REC114: variants seen among roughly 807,000 people sequenced by gnomAD.
The protein encoded by REC114 is REC114 meiotic recombination protein.
Under a neutral mutation model 31.3 loss-of-function variants are expected in REC114, and 27 were observed. That is an observed-to-expected ratio of 0.86 (90% CI 0.64 to 1.19). The LOEUF (loss-of-function observed/expected upper bound fraction) is 1.19, where lower values mean the gene tolerates loss of function less well. REC114 is among the 50% of genes most tolerant of loss of function. The pLI is 0.00. For missense variants in REC114, 344 were observed against 326.9 expected (o/e 1.05, Z -0.40); for synonymous variants, 134 against 127.7 (o/e 1.05, Z -0.33).
intron 2 of REC114, among the ~76,000 whole-genome samples, chr15:73,491,169 T>C (rs940945075): frequency 1.3e-5 from 2 of 151,840 alleles, no homozygotes; most frequent in African/African-American, 4.8e-5. Flanking sequence ...TATATAAGTC[T>C]TTGTGTATTA....
At chr15:73,472,700 G>A (rs1015729341) in intron 1 of REC114, among the ~76,000 whole-genome samples, 93 of 152,048 alleles carry the variant, frequency 6.1e-4, no homozygotes, top group African/African-American at 2.2e-3. Flanking sequence ...CCACTCTAAT[G>A]TATCTATCAG....
chr15:73,487,841 G>A (rs529760843), intron 2 of REC114, among the ~76,000 whole-genome samples: 1 of 152,214 alleles, frequency 6.6e-6, no homozygotes, highest in Non-Finnish European at 1.5e-5. Context: ...CCCTGGTGGG[G>A]GCTATCTACA....
intron 2 of REC114, among the ~76,000 whole-genome samples, chr15:73,516,196 G>A (rs1893856209): frequency 6.6e-6 from 1 of 152,034 alleles, no homozygotes; most frequent in Non-Finnish European, 1.5e-5. Context: ...ATGTTAGCCA[G>A]GCTAGTCTCG....
chr15:73,461,878 G>C (rs959458668), intron 1 of REC114, among the ~76,000 whole-genome samples: 4 of 140,692 alleles, frequency 2.8e-5, no homozygotes, highest in African/African-American at 1.0e-4. Flanking sequence ...CTTCTGTTAT[G>C]ATTTGGTCAT....
chr15:73,518,576 AC>A (rs879944064), intron 2 of REC114, among the ~76,000 whole-genome samples: 2 of 152,236 alleles, frequency 1.3e-5, no homozygotes, highest in Non-Finnish European at 2.9e-5. Flanking sequence ...AGATATGCTG[AC>A]AGGCCAGGCC....
At chr15:73,499,501 A>C (rs1567873416) in intron 2 of REC114, among the ~76,000 whole-genome samples, 1 of 152,120 alleles carries the variant, frequency 6.6e-6, no homozygotes, top group Admixed American at 6.6e-5. Context: ...AGTTCCCTAC[A>C]TCTTTATTAC....
chr15:73,495,508 TAA>T (rs80177107), intron 2 of REC114, among the ~76,000 whole-genome samples: 20 of 130,582 alleles, frequency 1.5e-4, no homozygotes, highest in Admixed American at 3.1e-4. Context: ...CTGCCAGTCT[TAA>T]AAAAAAAAAA....
chr15:73,463,903 A>C (rs774926490), intron 1 of REC114, among the ~76,000 whole-genome samples: 1 of 152,026 alleles, frequency 6.6e-6, no homozygotes, highest in African/African-American at 2.4e-5. Flanking sequence ...TCTTCTATCC[A>C]TGGAATTCAG....
At chr15:73,460,946 G>T (rs1249475490) in intron 1 of REC114, among the ~76,000 whole-genome samples, 1 of 152,122 alleles carries the variant, frequency 6.6e-6, no homozygotes, top group African/African-American at 2.4e-5. Flanking sequence ...TAGAGGTGAT[G>T]AAGTTAATTC....
At chr15:73,455,787 A>T (rs1255883213) in intron 1 of REC114, among the ~76,000 whole-genome samples, 1 of 152,160 alleles carries the variant, frequency 6.6e-6, no homozygotes, top group Non-Finnish European at 1.5e-5. Flanking sequence ...GAGCTGTGCT[A>T]CCCAGACCTT....
intron 3 of REC114, among the ~76,000 whole-genome samples, chr15:73,543,981 T>C (rs966975386): frequency 1.6e-5 from 2 of 125,524 alleles, no homozygotes; most frequent in Non-Finnish European, 3.3e-5. Context: ...AGAGTCTAAC[T>C]CTGTCCCCCA....
At chr15:73,550,382 C>T (rs543308301) in intron 3 of REC114, among the ~76,000 whole-genome samples, 1 of 152,166 alleles carries the variant, frequency 6.6e-6, no homozygotes, top group Non-Finnish European at 1.5e-5. Flanking sequence ...CACTATGCAA[C>T]TTGTATGGTA....
chr15:73,531,631 A>G (rs1321574156), intron 2 of REC114, among the ~76,000 whole-genome samples: 1 of 152,160 alleles, frequency 6.6e-6, no homozygotes, highest in African/African-American at 2.4e-5. Context: ...TGTGCCAGAA[A>G]TTGGCCCTCT....
At chr15:73,491,381 C>T (rs957205778) in intron 2 of REC114, among the ~76,000 whole-genome samples, 1 of 149,914 alleles carries the variant, frequency 6.7e-6, no homozygotes, top group East Asian at 2.0e-4. Flanking sequence ...TGTGTATTAT[C>T]TTAATTTCTC....
Position 73,462,003 on chromosome 15 carries a change from C to T in REC114, c.160-11829C>T, listed in dbSNP as rs1006838276. The stretch of plus-strand genomic sequence containing the variant: ...CTGGAGTGCGGTGGTGCGATCTCGG[C>T]TCACTGCAACCTCTGCCGCCCGAGT... On this transcript the variant is annotated intron_variant, in intron 1 of 5. Transcript: ENST00000331090. Among the ~76,000 whole-genome samples the T allele has an allele frequency of 2.8e-5, 4 of 143,792 alleles. No individual in the cohort carries two copies. The South Asian group carries it at 8.8e-4, about 32-fold the overall frequency. 94.3% of individuals were successfully genotyped at this position (143,792 alleles called of 152,430 possible). A position where few individuals can be genotyped will look rare whatever the true frequency, so the allele number is the denominator to read the frequency against.
chr15:73,490,002 T>G (rs574798331), intron 2 of REC114, among the ~76,000 whole-genome samples: 3 of 152,342 alleles, frequency 2.0e-5, no homozygotes, highest in African/African-American at 7.2e-5. Context: ...CTGGAATAGG[T>G]ACAGTGAATC....
chr15:73,543,440 C>A (rs1894266904), intron 3 of REC114, among the ~76,000 whole-genome samples: 1 of 152,124 alleles, frequency 6.6e-6, no homozygotes, highest in Admixed American at 6.5e-5. Flanking sequence ...AGCGATTCTC[C>A]TGCCTCAGCC....
intron 2 of REC114, among the ~76,000 whole-genome samples, chr15:73,529,278 C>T (rs985781920): frequency 2.0e-5 from 3 of 151,966 alleles, no homozygotes; most frequent in African/African-American, 4.8e-5. Flanking sequence ...GCTGGGACTA[C>T]AGGCGCCCGC....
intron 1 of REC114, among the ~76,000 whole-genome samples, chr15:73,463,867 T>C (rs963839523): frequency 6.6e-6 from 1 of 152,076 alleles, no homozygotes; most frequent in African/African-American, 2.4e-5. Context: ...GATGTTTTTG[T>C]TTTTAACTAG....
Sources: allele counts gnomAD v4.1 joint callset (sites outside exome capture counted in the v4.1 genomes callset), GRCh38; gene constraint gnomAD v4.1.1; transcripts MANE v1.5; gene names NCBI Gene and HGNC (gene_info 2026-07-23, HGNC 2026-07-21).